DAB1: variants seen among roughly 807,000 people sequenced by gnomAD.
The protein encoded by DAB1 is DAB adaptor protein 1, also known as disabled homolog 1.
DAB1 carries 15 observed loss-of-function variants against 64.6 expected under a neutral mutation model. The observed-to-expected ratio is 0.23, with a 90% CI of 0.16 to 0.36. The LOEUF (loss-of-function observed/expected upper bound fraction) is 0.36, where lower values mean the gene tolerates loss of function less well. Ranked by LOEUF, DAB1 falls within the 10% of genes least tolerant of loss-of-function variation. The probability of loss-of-function intolerance (pLI) is 1.00; values close to 1 mark genes in which losing one functional copy is unlikely to be tolerated. For synonymous variants in DAB1, 235 were observed against 251.9 expected, an observed-to-expected ratio of 0.93 and a Z score of 0.64; for missense variants, 596 against 706.7, an observed-to-expected ratio of 0.84 and a Z score of 1.78.
At chr1:57,230,696 G>A (rs930117941) in intron 2 of DAB1, among the ~76,000 whole-genome samples, 1 of 151,994 alleles carries the variant, frequency 6.6e-6, no homozygotes. Context: ...TATATAATGT[G>A]TAATGATCAA....
At chr1:58,464,569 G>T (rs921028730) in intron 3 of DAB1, among the ~76,000 whole-genome samples, 1 of 152,168 alleles carries the variant, frequency 6.6e-6, no homozygotes, top group Non-Finnish European at 1.5e-5. Flanking sequence ...CTAGCTGTGT[G>T]GCCTTGTGAA....
chr1:57,054,899 T>C (rs1475976596), intron 9 of DAB1, among the ~76,000 whole-genome samples: 1 of 152,190 alleles, frequency 6.6e-6, no homozygotes. Flanking sequence ...AGATGGAAAT[T>C]GGTGATAAAT....
intron 5 of DAB1, chr1:58,049,167 T>A: frequency 1.3e-6 from 1 of 778,974 alleles, no homozygotes; most frequent in Non-Finnish European, 2.3e-6. Flanking sequence ...GACCACACAG[T>A]CCGTGAGCGT....
At chr1:57,248,904 G>A (rs974188411) in intron 2 of DAB1, among the ~76,000 whole-genome samples, 1 of 152,172 alleles carries the variant, frequency 6.6e-6, no homozygotes, top group Non-Finnish European at 1.5e-5. Flanking sequence ...GTCCCTTGCA[G>A]TTGCAGCATT....
At chr1:57,635,824 G>A (rs542179089) in intron 7 of DAB1, among the ~76,000 whole-genome samples, 3 of 152,038 alleles carry the variant, frequency 2.0e-5, no homozygotes, top group Non-Finnish European at 4.4e-5. Context: ...GGCCAGGTGC[G>A]GTGGCTCACG....
chr1:57,776,758 T>A (rs1426733062), intron 6 of DAB1, among the ~76,000 whole-genome samples: 1 of 151,870 alleles, frequency 6.6e-6, no homozygotes, highest in Non-Finnish European at 1.5e-5. Flanking sequence ...CTATCTGTTG[T>A]AATATTGTCA....
intron 6 of DAB1, among the ~76,000 whole-genome samples, chr1:57,678,726 T>C (rs1002049839): frequency 6.6e-6 from 1 of 151,882 alleles, no homozygotes; most frequent in African/African-American, 2.4e-5. Flanking sequence ...GTATTTTCCA[T>C]GTATCTTCTC....
At chr1:58,366,796 A>G (rs1458909254) in intron 3 of DAB1, among the ~76,000 whole-genome samples, 1 of 152,182 alleles carries the variant, frequency 6.6e-6, no homozygotes, top group African/African-American at 2.4e-5. Context: ...GAGTCACTGT[A>G]TTAGTAAGGG....
intron 7 of DAB1, among the ~76,000 whole-genome samples, chr1:57,504,665 T>C (rs1644324813): frequency 6.6e-6 from 1 of 152,186 alleles, no homozygotes; most frequent in South Asian, 2.1e-4. Context: ...AAGTGTGGGC[T>C]GGGCATTGTG....
At chr1:57,331,486 T>C (rs1023730982) in intron 1 of DAB1, among the ~76,000 whole-genome samples, 2 of 152,222 alleles carry the variant, frequency 1.3e-5, no homozygotes, top group African/African-American at 2.4e-5. Flanking sequence ...TTGAAACACA[T>C]GGCTTCACCA....
In DAB1 at chr1:57,630,192, A is replaced by C. The variant is rs533680625; in HGVS notation, n.625+19400T>G. Among the ~76,000 whole-genome samples the C allele has an allele frequency of 3.3e-5, 5 of 152,316 alleles. No individual in the cohort carries two copies. In the South Asian group the frequency reaches 1.0e-3, roughly 32 times the overall value. On this transcript the variant is annotated intron_variant and non_coding_transcript_variant, in intron 7 of 20. Transcript: ENST00000485760. ...TTGCAGGGCAACAAACAGCCAAAGG[A>C]CCAAATATCAGGGGAAGTGACTTCG...
intron 3 of DAB1, among the ~76,000 whole-genome samples, chr1:58,475,716 G>A (rs1645412646): frequency 1.3e-5 from 2 of 152,186 alleles, no homozygotes; most frequent in Non-Finnish European, 2.9e-5. Context: ...GGGATGTTCA[G>A]TAAAGCATAT....
At chr1:58,101,318 AAAAATAAAAT>A (rs879789456) in intron 5 of DAB1, among the ~76,000 whole-genome samples, 36 of 152,274 alleles carry the variant, frequency 2.4e-4, no homozygotes, top group South Asian at 1.7e-3. Flanking sequence ...CTCCGTCTCA[AAAAATAAAAT>A]AAAATAAAAT....
intron 3 of DAB1, among the ~76,000 whole-genome samples, chr1:58,499,576 A>G (rs189759135): frequency 2.0e-5 from 3 of 151,960 alleles, no homozygotes; most frequent in Admixed American, 6.6e-5. Flanking sequence ...CTGGAGATCT[A>G]CTACACAGCA....
chr1:57,652,538 T>C (rs755138364), intron 6 of DAB1, among the ~76,000 whole-genome samples: 10 of 152,238 alleles, frequency 6.6e-5, no homozygotes, highest in Non-Finnish European at 1.5e-4. Flanking sequence ...CTGGGCAGCA[T>C]GCAAGAATGT....
intron 5 of DAB1, among the ~76,000 whole-genome samples, chr1:58,119,891 T>C (rs1307205387): frequency 6.6e-6 from 1 of 152,188 alleles, no homozygotes; most frequent in African/African-American, 2.4e-5. Flanking sequence ...TGTGGGACTC[T>C]AGACTAATGC....
At chr1:57,136,290 C>T (rs577297760) in intron 4 of DAB1, among the ~76,000 whole-genome samples, 2 of 152,288 alleles carry the variant, frequency 1.3e-5, no homozygotes, top group South Asian at 2.1e-4. Context: ...CAAAGCTCAT[C>T]AATCTCCCAT....
At chr1:58,174,785 T>G (rs764229900) in intron 4 of DAB1, among the ~76,000 whole-genome samples, 8 of 151,974 alleles carry the variant, frequency 5.3e-5, no homozygotes, top group Non-Finnish European at 1.0e-4. Context: ...TCTGCAAAAA[T>G]GCACCTATCA....
chr1:58,328,674 C>T (rs1662897088), intron 4 of DAB1, among the ~76,000 whole-genome samples: 1 of 152,084 alleles, frequency 6.6e-6, no homozygotes, highest in African/African-American at 2.4e-5. Context: ...GGAGTAATCT[C>T]GGCTCACTGC....
Sources: gnomAD v4.1 joint callset for allele counts (sites outside exome capture counted in the v4.1 genomes callset) on GRCh38, gnomAD v4.1.1 for gene constraint, MANE v1.5 for transcripts, NCBI Gene and HGNC (gene_info 2026-07-23, HGNC 2026-07-21) for gene names.